FRAS1: variants seen among roughly 807,000 people sequenced by gnomAD.
The protein encoded by FRAS1 is extracellular matrix organizing protein FRAS1.
FRAS1 carries 290 observed loss-of-function variants against 435.2 expected under a neutral mutation model. That is an observed-to-expected ratio of 0.67 (90% CI 0.61 to 0.73). The LOEUF (loss-of-function observed/expected upper bound fraction) is 0.73. FRAS1 is among the 30% of genes least tolerant of loss of function. The pLI, the probability that FRAS1 is intolerant of heterozygous loss-of-function variation, is 0.00. For missense variants in FRAS1, 4,860 were observed against 5,001.5 expected (o/e 0.97, Z 0.85); for synonymous variants, 1,800 against 1,851.0 (o/e 0.97, Z 0.71).
At chr4:78,083,681 T>A (rs139630488) in intron 2 of FRAS1, among the ~76,000 whole-genome samples, 34 of 147,698 alleles carry the variant, frequency 2.3e-4, no homozygotes, top group African/African-American at 7.5e-4. Flanking sequence ...ACTACTTTGA[T>A]CAAGGGGTAC....
intron 2 of FRAS1, among the ~76,000 whole-genome samples, chr4:78,103,498 C>A (rs985929520): frequency 3.9e-5 from 6 of 151,994 alleles, no homozygotes; most frequent in African/African-American, 1.5e-4. Context: ...CAGGGATGTG[C>A]ATTTATGAAG....
intron 51 of FRAS1, among the ~76,000 whole-genome samples, chr4:78,470,811 C>T (rs764076210): frequency 6.6e-6 from 1 of 152,074 alleles, no homozygotes; most frequent in Non-Finnish European, 1.5e-5. Flanking sequence ...ACAACTGTAC[C>T]AGCATATGGG....
chr4:78,493,533 T>C (rs1720426565), intron 59 of FRAS1, among the ~76,000 whole-genome samples: 1 of 152,104 alleles, frequency 6.6e-6, no homozygotes, highest in African/African-American at 2.4e-5. Context: ...GAAACCATCA[T>C]TCTCAGCAAA....
intron 29 of FRAS1, among the ~76,000 whole-genome samples, chr4:78,388,820 T>C (rs1041972790): frequency 6.6e-6 from 1 of 152,032 alleles, no homozygotes; most frequent in Non-Finnish European, 1.5e-5. Flanking sequence ...AATAAATAAA[T>C]AAATAGCATT....
chr4:78,261,911 T>G (rs1726126202), intron 6 of FRAS1, among the ~76,000 whole-genome samples: 1 of 152,200 alleles, frequency 6.6e-6, no homozygotes, highest in East Asian at 1.9e-4. Context: ...AGAAGATATT[T>G]TTCCTTTCCT....
At position 78,211,429 on chromosome 4, in the gene FRAS1, A is replaced by G. The variant is rs868625838; in HGVS notation, c.109-26081A>G. 9.2e-5 allele frequency among the ~76,000 whole-genome samples: 14 copies of G among 152,324 alleles called. No individual in the cohort carries two copies. The South Asian group carries it at 2.5e-3, about 27-fold the overall frequency. On this transcript the variant is annotated intron_variant, in intron 2 of 73. Transcript: ENST00000512123. ...GAGGCTGATTCTGACACCCTAATAGAAGGGGCTATGACTAAAATACTGCCT... is the reference window on the plus strand; with the variant it reads ...GAGGCTGATTCTGACACCCTAATAGGAGGGGCTATGACTAAAATACTGCCT...
In FRAS1 at chr4:78,190,520, C is replaced by T. The variant is rs548893188; in HGVS notation, c.109-46990C>T. Among the ~76,000 whole-genome samples the T allele has an allele frequency of 3.4e-4, 51 of 151,734 alleles. No individual in the cohort carries two copies. In the South Asian group the frequency reaches 4.2e-3, roughly 12 times the overall value. On this transcript the variant is annotated intron_variant, in intron 2 of 73. Transcript: ENST00000512123. ...CTGCTAGAATGTACTATTGTGAAGG[C>T]AAAGTCTTCCCACCCACCTATCCTC... is the stretch of plus-strand genomic sequence containing the variant.
intron 57 of FRAS1, 68 bp from the exon 58 acceptor site, chr4:78,482,319 GC>G: frequency 3.2e-6 from 5 of 1,564,248 alleles, no homozygotes; most frequent in Non-Finnish European, 4.4e-6. Context: ...TGTGACCTTT[GC>G]CCTAGTCAAG....
At chr4:78,155,598 G>A (rs541223010) in intron 2 of FRAS1, among the ~76,000 whole-genome samples, 1 of 152,160 alleles carries the variant, frequency 6.6e-6, no homozygotes, top group Non-Finnish European at 1.5e-5. Context: ...GAAACCCGTG[G>A]CATTCTAGGA....
intron 2 of FRAS1, among the ~76,000 whole-genome samples, chr4:78,112,040 T>C (rs1742750899): frequency 6.6e-6 from 1 of 152,294 alleles, no homozygotes; most frequent in East Asian, 1.9e-4. Flanking sequence ...GCCAGTTTTG[T>C]ACTGTATTGA....
intron 2 of FRAS1, among the ~76,000 whole-genome samples, chr4:78,137,428 AAG>A (rs1298118214): frequency 6.6e-6 from 1 of 152,218 alleles, no homozygotes; most frequent in African/African-American, 2.4e-5. Context: ...TAATGAAGGA[AAG>A]AGAATGATTG....
At chr4:78,130,657 A>G (rs1719640100) in intron 2 of FRAS1, among the ~76,000 whole-genome samples, 1 of 152,188 alleles carries the variant, frequency 6.6e-6, no homozygotes, top group Admixed American at 6.5e-5. Flanking sequence ...CAATCCAGGC[A>G]CTAAGGATTT....
intron 2 of FRAS1, among the ~76,000 whole-genome samples, chr4:78,211,404 G>A (rs564875744): frequency 6.6e-6 from 1 of 152,356 alleles, no homozygotes; most frequent in African/African-American, 2.4e-5. Flanking sequence ...AGGGAGGCAG[G>A]AGGCTGATTC....
intron 22 of FRAS1, among the ~76,000 whole-genome samples, chr4:78,366,682 C>A (rs1482234769): frequency 6.6e-6 from 1 of 152,194 alleles, no homozygotes; most frequent in Non-Finnish European, 1.5e-5. Context: ...CCCAGCTTCC[C>A]TCAGTGGTTT....
rs528814184 is a variant in FRAS1 at position 78,477,540 on chromosome 4, T to C, written c.7852-275T>C. On this transcript the variant is annotated intron_variant, in intron 54 of 73. Coordinates refer to ENST00000512123, the MANE Select transcript of FRAS1 (RefSeq NM_025074.7). ...AGATAATAAGACAGGCTATAAAGAG[T>C]TACTACATGTTTTTCTCCAGTCACC... 6.5e-4 allele frequency among the ~76,000 whole-genome samples: 99 copies of C among 152,096 alleles called. 1 individual carries two copies. Among genetic ancestry groups the C allele is most frequent in the African/African-American group, 2.3e-3 (95 of 41,466 alleles).
chr4:78,279,679 T>C (rs1279870454), intron 10 of FRAS1, among the ~76,000 whole-genome samples: 3 of 152,252 alleles, frequency 2.0e-5, no homozygotes, highest in Non-Finnish European at 4.4e-5. Context: ...AAAGGAAATA[T>C]ATTTATCTTA....
At chr4:78,103,228 A>G (rs1742222074) in intron 2 of FRAS1, among the ~76,000 whole-genome samples, 1 of 152,230 alleles carries the variant, frequency 6.6e-6, no homozygotes, top group Non-Finnish European at 1.5e-5. Context: ...TTGGAAGAAG[A>G]CATTTCTTAA....
chr4:78,441,530 C>T (rs1433896210), intron 41 of FRAS1, among the ~76,000 whole-genome samples: 1 of 152,156 alleles, frequency 6.6e-6, no homozygotes, highest in Non-Finnish European at 1.5e-5. Context: ...AGACAAAACC[C>T]CCTCCCTTCA....
intron 2 of FRAS1, among the ~76,000 whole-genome samples, chr4:78,152,514 G>A (rs1281361784): frequency 6.7e-6 from 1 of 149,044 alleles, no homozygotes; most frequent in Non-Finnish European, 1.5e-5. Context: ...TTGTGTACAT[G>A]TATTTCCTCC....
Sources: gnomAD v4.1 joint callset for allele counts (sites outside exome capture counted in the v4.1 genomes callset) on GRCh38, gnomAD v4.1.1 for gene constraint, MANE v1.5 for transcripts, NCBI Gene and HGNC (gene_info 2026-07-23, HGNC 2026-07-21) for gene names.